Variants in SLC35A1 observed in about 807,000 individuals in gnomAD.
SLC35A1 encodes the protein solute carrier family 35 member A1.
Under a neutral mutation model 40.3 loss-of-function variants are expected in SLC35A1, and 21 were observed. The observed-to-expected ratio is 0.52, with a 90% CI of 0.37 to 0.75. SLC35A1 has a LOEUF of 0.75. SLC35A1 is among the 30% of genes least tolerant of loss of function. The pLI, the probability that SLC35A1 is intolerant of heterozygous loss-of-function variation, is 0.00. For missense variants in SLC35A1, 297 were observed against 382.1 expected (o/e 0.78, Z 1.86); for synonymous variants, 146 against 147.3 (o/e 0.99, Z 0.06).
chr6:87,478,955 G>C (rs553557392), intron 2 of SLC35A1, among the ~76,000 whole-genome samples: 3 of 152,262 alleles, frequency 2.0e-5, no homozygotes, highest in South Asian at 2.1e-4. Context: ...GCTAGGGTTA[G>C]ACTGCACAGG....
intron 1 of SLC35A1, among the ~76,000 whole-genome samples, chr6:87,473,888 A>G (rs565487261): frequency 2.6e-5 from 4 of 152,290 alleles, no homozygotes; most frequent in South Asian, 4.1e-4. Flanking sequence ...TAAATATTGA[A>G]CGAATACATA....
chr6:87,475,423 G>A (rs1186383057), intron 1 of SLC35A1, among the ~76,000 whole-genome samples: 2 of 152,116 alleles, frequency 1.3e-5, no homozygotes, highest in Non-Finnish European at 2.9e-5. Flanking sequence ...TTCTTCCCTT[G>A]TGTAGGAAAG....
At chr6:87,509,288 A>G in intron 7 of SLC35A1, 113 bp downstream of exon 7, 2 of 1,341,396 alleles carry the variant, frequency 1.5e-6, no homozygotes, top group South Asian at 1.2e-5. Flanking sequence ...AGAAATTCCT[A>G]GCTTTGTTAC....
intron 1 of SLC35A1, among the ~76,000 whole-genome samples, chr6:87,474,364 AACAT>A (rs1411638322): frequency 6.6e-6 from 1 of 152,246 alleles, no homozygotes; most frequent in Non-Finnish European, 1.5e-5. Context: ...ACTATAGTAA[AACAT>A]AACCGAAAAA....
At chr6:87,473,408 C>G (rs1408469932) in intron 1 of SLC35A1, among the ~76,000 whole-genome samples, 1 of 152,202 alleles carries the variant, frequency 6.6e-6, no homozygotes, top group Non-Finnish European at 1.5e-5. Flanking sequence ...CCCGCGGCTC[C>G]GGTCTCCTCT....
At chr6:87,503,023 C>T (rs1362485308) in intron 4 of SLC35A1, among the ~76,000 whole-genome samples, 2 of 152,174 alleles carry the variant, frequency 1.3e-5, no homozygotes, top group African/African-American at 4.8e-5. Context: ...CCAGTTCTTA[C>T]CCATTATTAG....
intron 7 of SLC35A1, 134 bp downstream of exon 7, chr6:87,509,309 T>C: frequency 8.9e-7 from 1 of 1,122,470 alleles, no homozygotes; most frequent in Non-Finnish European, 1.3e-6. Context: ...TACAGTTTAT[T>C]CCACCAGTAC....
intron 2 of SLC35A1, chr6:87,488,184 G>A (rs897160918): frequency 1.3e-5 from 2 of 152,138 alleles, no homozygotes; most frequent in African/African-American, 4.8e-5. Context: ...TCAGAAGAGA[G>A]GTCTGGGCTA....
chr6:87,488,947 A>G (rs1404459543), intron 2 of SLC35A1, among the ~76,000 whole-genome samples: 3 of 152,206 alleles, frequency 2.0e-5, no homozygotes, highest in Non-Finnish European at 4.4e-5. Flanking sequence ...CATGATGGCA[A>G]TCTAGGTCAA....
intron 5 of SLC35A1, among the ~76,000 whole-genome samples, chr6:87,507,724 T>C (rs1314986822): frequency 6.6e-6 from 1 of 151,210 alleles, no homozygotes; most frequent in Non-Finnish European, 1.5e-5. Flanking sequence ...ATTTTAAGCA[T>C]AAATCCAGAG....
chr6:87,506,529 T>G, intron 5 of SLC35A1, 81 bp downstream of exon 5: 3 of 1,130,052 alleles, frequency 2.7e-6, no homozygotes, highest in Non-Finnish European at 2.7e-6. Flanking sequence ...TAGTTTATCT[T>G]GCTTTCTCAG....
intron 5 of SLC35A1, 89 bp downstream of exon 5, chr6:87,506,537 C>T: frequency 9.6e-7 from 1 of 1,038,830 alleles, no homozygotes; most frequent in East Asian, 2.4e-5. Flanking sequence ...CTTGCTTTCT[C>T]AGTTTTATTC....
chr6:87,497,762 T>C (rs1582185856), intron 2 of SLC35A1, among the ~76,000 whole-genome samples: 1 of 152,156 alleles, frequency 6.6e-6, no homozygotes, highest in South Asian at 2.1e-4. Flanking sequence ...GGTATCTTAC[T>C]CTTTCACCCA....
intron 5 of SLC35A1, among the ~76,000 whole-genome samples, chr6:87,507,386 A>AT (rs1350403231): frequency 6.6e-6 from 1 of 152,116 alleles, no homozygotes; most frequent in Admixed American, 6.5e-5. Flanking sequence ...ATGCTATTTG[A>AT]TTTTTTGCAA....
At chr6:87,507,759 G>A (rs1423924625) in intron 5 of SLC35A1, among the ~76,000 whole-genome samples, 1 of 145,914 alleles carries the variant, frequency 6.9e-6, no homozygotes, top group East Asian at 1.9e-4. Flanking sequence ...TTGGGGAGGG[G>A]TATCATGTAC....
At chr6:87,488,639 A>G (rs1021803859) in intron 2 of SLC35A1, 9 of 152,170 alleles carry the variant, frequency 5.9e-5, no homozygotes, top group African/African-American at 1.9e-4. Context: ...GTATAACTCA[A>G]TCAAGTGTGC....
At chr6:87,489,013 G>C (rs1769466532) in intron 2 of SLC35A1, among the ~76,000 whole-genome samples, 1 of 152,210 alleles carries the variant, frequency 6.6e-6, no homozygotes, top group South Asian at 2.1e-4. Context: ...GCCTTCCTTA[G>C]GGTAGCTGTA....
rs202125733 is a variant in SLC35A1 at position 87,477,351 on chromosome 6, G to A, written c.17-11G>A. The A allele has an allele frequency of 4.5e-5, 73 of 1,608,592 alleles. No homozygotes were observed. Among genetic ancestry groups the A allele is most frequent in the Non-Finnish European group, 5.6e-5 (66 of 1,177,762 alleles). The stretch of plus-strand genomic sequence containing the variant: ...CTACTAAGTAATGTCTTTGTTGCAC[G>A]TATTTTCCAGACAATGTCACTTTAT... On this transcript the variant is annotated splice_polypyrimidine_tract_variant and intron_variant, in intron 1 of 7. Coordinates refer to ENST00000369552, the MANE Select transcript of SLC35A1 (RefSeq NM_006416.5).
chr6:87,503,720 TA>T (rs1421443573), intron 4 of SLC35A1, among the ~76,000 whole-genome samples: 1 of 152,052 alleles, frequency 6.6e-6, no homozygotes, highest in Non-Finnish European at 1.5e-5. Flanking sequence ...TCAATAATAA[TA>T]ATAATAACAA....
Sources: allele counts gnomAD v4.1 joint callset (sites outside exome capture counted in the v4.1 genomes callset), GRCh38; gene constraint gnomAD v4.1.1; transcripts MANE v1.5; gene names NCBI Gene and HGNC (gene_info 2026-07-23, HGNC 2026-07-21).